TPM4: variants seen among roughly 807,000 people sequenced by gnomAD.
The protein encoded by TPM4 is tropomyosin alpha-4 chain.
In TPM4, 17 loss-of-function variants were observed where a neutral mutation model predicts 35.8. That is an observed-to-expected ratio of 0.47 (90% CI 0.32 to 0.71). TPM4 has a LOEUF of 0.71. Ranked by LOEUF, TPM4 falls within the 30% of genes least tolerant of loss-of-function variation. TPM4 has a pLI of 0.03. For synonymous variants in TPM4, 120 were observed against 122.9 expected (o/e 0.98, Z 0.15); for missense variants, 240 against 320.9 (o/e 0.75, Z 1.93).
At chr19:16,076,397 G>A (rs1186117120), upstream of TPM4, 2 of 1,379,442 alleles carry the variant, frequency 1.4e-6, no homozygotes, top group Non-Finnish European at 9.3e-7. Context: ...CGGTCCGGCC[G>A]GGTGACCTCA....
At chr19:16,068,170 G>A (rs1388252335) in intron 2 of TPM4, among the ~76,000 whole-genome samples, 1 of 27,688 alleles carries the variant, frequency 3.6e-5, no homozygotes, top group African/African-American at 2.5e-4. Flanking sequence ...GCATGTGTGC[G>A]TGTGTGTGTG....
chr19:16,075,995 G>C, upstream of TPM4: 6 of 1,539,540 alleles, frequency 3.9e-6, no homozygotes, highest in Non-Finnish European at 5.2e-6. Flanking sequence ...CTGCACCTCG[G>C]GGACGTGACC....
intron 5 of TPM4, among the ~76,000 whole-genome samples, chr19:16,092,223 C>A (rs909647515): frequency 4.6e-5 from 7 of 151,308 alleles, no homozygotes; most frequent in Non-Finnish European, 1.0e-4. Context: ...GATGGGTCAT[C>A]ATGGGGAGGG....
At chr19:16,096,937 T>A (rs1442644230) in intron 7 of TPM4, among the ~76,000 whole-genome samples, 1 of 16,314 alleles carries the variant, frequency 6.1e-5, no homozygotes, top group Admixed American at 6.0e-4. Flanking sequence ...AAGGTCACTC[T>A]TTTTTTTTTT....
intron 2 of TPM4, among the ~76,000 whole-genome samples, chr19:16,069,662 A>G (rs928313614): frequency 1.1e-4 from 14 of 130,956 alleles, no homozygotes; most frequent in African/African-American, 3.3e-4. Flanking sequence ...GTGTGTGTGG[A>G]TGAGTGTGTG....
chr19:16,075,906 C>T (rs1568299104), upstream of TPM4: 3 of 1,246,130 alleles, frequency 2.4e-6, no homozygotes, highest in Non-Finnish European at 3.3e-6. Flanking sequence ...CATGCTATCG[C>T]AACCCCTGTT....
intron 7 of TPM4, chr19:16,095,746 AT>A (rs36086488): frequency 4.7e-4 from 145 of 306,934 alleles, no homozygotes; most frequent in Middle Eastern, 1.5e-3. Flanking sequence ...CATGCCAATA[AT>A]TTTTTTTTGT....
intron 1 of TPM4, chr19:16,079,768 C>T (rs1456207520): frequency 1.1e-5 from 2 of 179,256 alleles, no homozygotes; most frequent in Non-Finnish European, 2.4e-5. Flanking sequence ...GGCGCGATCT[C>T]GGCTCATTGC....
Position 16,101,760 on chromosome 19 carries a change from T to C in TPM4, c.*414T>C. ...AGACCATAACCTTTTGGGTCAACTG[T>C]TGGTCAAACTATAGGAGAGACCAGG... On this transcript the variant is annotated 3_prime_UTR_variant, in exon 8 of 8. Transcript: ENST00000643579. The C allele has an allele frequency of 4.2e-6, 1 of 237,078 alleles. No homozygotes were observed. Among genetic ancestry groups the C allele is most frequent in the Non-Finnish European group, 8.3e-6 (1 of 120,136 alleles). 14.7% of individuals were successfully genotyped at this position (237,078 alleles called of 1,614,324 possible).
intron 5 of TPM4, among the ~76,000 whole-genome samples, chr19:16,091,027 T>C (rs2090620255): frequency 6.6e-6 from 1 of 152,100 alleles, no homozygotes; most frequent in South Asian, 2.1e-4. Flanking sequence ...GGGGGATAGA[T>C]GTAACACCAC....
intron 5 of TPM4, among the ~76,000 whole-genome samples, 174 bp from the exon 6 acceptor site, chr19:16,093,362 A>C (rs908813418): frequency 6.6e-6 from 1 of 151,478 alleles, no homozygotes; most frequent in Non-Finnish European, 1.5e-5. Context: ...AGCCTGGCTA[A>C]TTTTTGTATT....
rs372914086 is a variant in TPM4, at chr19:16,090,083, G to A, written c.531+963G>A. Reference sequence around the variant, plus strand: ...TGATCTCAAGTGATCTGCCCGCCTCGCCCTCCCAAAGTGCTGGGATTACAG... The same window carrying A: ...TGATCTCAAGTGATCTGCCCGCCTCACCCTCCCAAAGTGCTGGGATTACAG... On this transcript the variant is annotated intron_variant, in intron 5 of 7. Coordinates refer to ENST00000643579, the MANE Select transcript of TPM4 (RefSeq NM_003290.3). 2.5e-4 allele frequency among the ~76,000 whole-genome samples: 38 copies of A among 151,726 alleles called. 1 individual carries two copies. The East Asian group carries it at 5.5e-3, about 22-fold the overall frequency.
At chr19:16,091,572 C>T (rs545750229) in intron 5 of TPM4, among the ~76,000 whole-genome samples, 2 of 152,220 alleles carry the variant, frequency 1.3e-5, no homozygotes, top group South Asian at 4.1e-4. Flanking sequence ...CTCAGAAGTT[C>T]GAGACCAGCC....
chr19:16,102,776 A>G lies in TPM4; in HGVS notation c.*1430A>G. On this transcript the variant is annotated 3_prime_UTR_variant, in exon 8 of 8. Coordinates refer to ENST00000643579, the MANE Select transcript of TPM4 (RefSeq NM_003290.3). The stretch of plus-strand genomic sequence containing the variant: ...CCCAGCAGCGTGTGGGGGCTGACTA[A>G]AGTTTACAATTCCAACTAAAAATCA... 4.3e-6 allele frequency: 1 copy of G among 230,740 alleles called. No individual in the cohort carries two copies. The highest frequency in any genetic ancestry group is 8.6e-6 in the Non-Finnish European group (1 of 116,520). 14.3% of individuals were successfully genotyped at this position (230,740 alleles called of 1,614,324 possible).
upstream of TPM4, among the ~76,000 whole-genome samples, chr19:16,073,099 C>T (rs565554519): frequency 1.3e-5 from 2 of 152,146 alleles, no homozygotes; most frequent in African/African-American, 4.8e-5. Context: ...GTCCCAGCTA[C>T]TCGGGAGGCT....
chr19:16,078,855 C>A (rs919722503), intron 1 of TPM4, among the ~76,000 whole-genome samples: 1 of 146,060 alleles, frequency 6.8e-6, no homozygotes, highest in African/African-American at 2.6e-5. Context: ...AAAAACCTTT[C>A]ACTCTTGTAG....
At chr19:16,096,422 C>T (rs73517719) in intron 7 of TPM4, among the ~76,000 whole-genome samples, 1 of 152,134 alleles carries the variant, frequency 6.6e-6, no homozygotes, top group Non-Finnish European at 1.5e-5. Context: ...CCTTGTAAAC[C>T]GCTTAGGCAG....
At chr19:16,071,708 A>AGAG (rs2090358198), upstream of TPM4, among the ~76,000 whole-genome samples, 1 of 152,234 alleles carries the variant, frequency 6.6e-6, no homozygotes. Context: ...AGGAGGCCAG[A>AGAG]GAGAGCAGCT....
Position 16,081,966 on chromosome 19 carries a change from G to A in TPM4, c.186G>A (p.Glu62=). Residue 62 remains glutamate, a synonymous_variant, in exon 2 of 8, where the codon GAG becomes GAA. Coordinates refer to ENST00000643579, the MANE Select transcript of TPM4 (RefSeq NM_003290.3). The part of the protein sequence containing the change: ...LNRRIQLVEE[E]LDRAQERLAT... ...GACGCATCCAGCTCGTTGAGGAGGA[G>A]TTGGACAGGGCTCAGGAACGACTGG... The A allele has an allele frequency of 6.2e-7, 1 of 1,611,062 alleles. No individual in the cohort carries two copies. Among genetic ancestry groups the A allele is most frequent in the Non-Finnish European group, 8.5e-7 (1 of 1,177,496 alleles).
Sources: gnomAD v4.1 joint callset for allele counts (sites outside exome capture counted in the v4.1 genomes callset) on GRCh38, gnomAD v4.1.1 for gene constraint, MANE v1.5 for transcripts, NCBI Gene and HGNC (gene_info 2026-07-23, HGNC 2026-07-21) for gene names.